Variants in UNC80 observed in about 807,000 individuals in gnomAD.
The protein encoded by UNC80 is protein unc-80 homolog.
In UNC80, 164 loss-of-function variants were observed where a neutral mutation model predicts 384.6. The ratio of observed to expected loss-of-function variants is 0.43; its 90% confidence interval spans 0.38 to 0.49. The LOEUF is 0.49. Among genes scored for constraint, UNC80 ranks in the 20% least tolerant of loss-of-function variants. UNC80 has a pLI of 0.00. For synonymous variants in UNC80, 1,486 were observed against 1,527.8 expected (o/e 0.97, Z 0.64); for missense variants, 3,330 against 4,143.0 (o/e 0.80, Z 5.39).
chr2:209,896,687 G>A (rs2086830063), intron 28 of UNC80, among the ~76,000 whole-genome samples: 1 of 152,142 alleles, frequency 6.6e-6, no homozygotes, highest in Non-Finnish European at 1.5e-5. Flanking sequence ...AGGCCAGGTT[G>A]GTGGTCAAGA....
intron 53 of UNC80, among the ~76,000 whole-genome samples, chr2:209,970,602 T>C (rs755719184): frequency 7.2e-5 from 11 of 152,240 alleles, no homozygotes; most frequent in Non-Finnish European, 1.5e-4. Context: ...ATTATTTACA[T>C]AGTTAACTAT....
chr2:209,974,164 T>C (rs1396712299), intron 56 of UNC80, among the ~76,000 whole-genome samples: 1 of 152,146 alleles, frequency 6.6e-6, no homozygotes, highest in African/African-American at 2.4e-5. Flanking sequence ...AAGTATAAGA[T>C]GAACACAAAC....
In UNC80 at chr2:209,872,885, C is replaced by T. The variant is rs2084421223; in HGVS notation, c.3755C>T (p.Ser1252Phe). ...HHVNITKKGL[S>F]RGRSPIVGNK... is the part of the protein sequence containing the mutation. ...GTGAACATCACCAAGAAAGGACTTT[C>T]CCGGGGACGCTCTCCCATTGTGGGC... The change falls in exon 23 of 65, where the codon TCC (serine) becomes TTC (phenylalanine). Residue 1252 changes from serine to phenylalanine, a missense_variant. Physicochemically the swap from Ser to Phe is radical, Grantham distance 155. Coordinates refer to ENST00000673920, the MANE Select transcript of UNC80 (RefSeq NM_001371986.1). The surrounding 1 kb of genome is among the most constrained non-coding windows in gnomAD (Gnocchi z 4.1). The T allele has an allele frequency of 6.4e-7, 1 of 1,551,396 alleles. No homozygotes were observed. Among genetic ancestry groups the T allele is most frequent in the Non-Finnish European group, 8.7e-7 (1 of 1,146,890 alleles).
chr2:209,993,252 G>T (rs763127227), intron 62 of UNC80, 63 bp from the exon 63 acceptor site: 179 of 1,267,298 alleles, frequency 1.4e-4, no homozygotes, highest in Non-Finnish European at 1.8e-4. Flanking sequence ...TATAAATAAA[G>T]AAACAATTTC....
intron 33 of UNC80, 86 bp from the exon 34 acceptor site, chr2:209,921,414 T>G: frequency 7.7e-7 from 1 of 1,294,448 alleles, no homozygotes; most frequent in Non-Finnish European, 1.0e-6. Context: ...AACTACTACG[T>G]TTGTGTCATT....
intron 16 of UNC80, among the ~76,000 whole-genome samples, chr2:209,832,708 AT>A (rs1387687000): frequency 4.6e-5 from 7 of 152,220 alleles, no homozygotes; most frequent in Admixed American, 4.6e-4. Context: ...AGCAAAAGTA[AT>A]TTAACAGGTT....
intron 61 of UNC80, among the ~76,000 whole-genome samples, chr2:209,989,404 G>A (rs966508765): frequency 2.6e-5 from 4 of 151,742 alleles, no homozygotes; most frequent in Non-Finnish European, 5.9e-5. Flanking sequence ...GACATATCTC[G>A]ACATATAGTC....
intron 33 of UNC80, among the ~76,000 whole-genome samples, chr2:209,919,968 A>G (rs2089903435): frequency 6.6e-6 from 1 of 152,110 alleles, no homozygotes; most frequent in South Asian, 2.1e-4. Context: ...TAATATAATA[A>G]ACCAGCTTAG....
intron 37 of UNC80, among the ~76,000 whole-genome samples, chr2:209,930,378 G>A (rs1454361954): frequency 6.6e-6 from 1 of 152,050 alleles, no homozygotes; most frequent in Non-Finnish European, 1.5e-5. Flanking sequence ...CCAAATAAAA[G>A]TAGTCTTTCA....
At chr2:209,783,802 A>G (rs188636094) in intron 4 of UNC80, among the ~76,000 whole-genome samples, 11 of 152,298 alleles carry the variant, frequency 7.2e-5, no homozygotes, top group African/African-American at 2.2e-4. Flanking sequence ...AACCAGGTCA[A>G]TTGAGGTTTG....
chr2:209,931,416 C>CAG (rs1553604276), intron 38 of UNC80, among the ~76,000 whole-genome samples: 1 of 146,468 alleles, frequency 6.8e-6, no homozygotes, highest in Non-Finnish European at 1.5e-5. Flanking sequence ...CACACACACA[C>CAG]AGATGCAACT....
intron 48 of UNC80, chr2:209,954,549 C>G (rs2092328097): frequency 4.3e-6 from 1 of 230,794 alleles, no homozygotes. Context: ...TGAGCTTCTC[C>G]AGCAGTTATA....
chr2:209,887,221 A>G (rs2085897836), intron 25 of UNC80, among the ~76,000 whole-genome samples: 1 of 151,926 alleles, frequency 6.6e-6, no homozygotes, highest in South Asian at 2.1e-4. Context: ...TTTTTAGTAT[A>G]GACGGGGTTT....
chr2:209,795,218 AT>A, intron 7 of UNC80: 1 of 154,390 alleles, frequency 6.5e-6, no homozygotes, highest in Non-Finnish European at 1.4e-5. Context: ...GACTGGTGGC[AT>A]TTTGCCCCTG....
At chr2:209,918,709 G>A (rs774033850) in intron 33 of UNC80, 46 bp downstream of exon 33, 2 of 1,466,414 alleles carry the variant, frequency 1.4e-6, no homozygotes, top group South Asian at 2.8e-5. Flanking sequence ...GTGTAAAAGA[G>A]AACAATTAAT....
rs148569955 is a variant in UNC80, at chr2:209,783,349, A to G, written c.601-2717A>G. ...GTTCCATTAAAAGAAACTCTGGAAG[A>G]GACATTAGAGGCCCAGAGTTTATAC... On this transcript the variant is annotated intron_variant, in intron 4 of 64. Coordinates refer to ENST00000673920, the MANE Select transcript of UNC80 (RefSeq NM_001371986.1). Among the ~76,000 whole-genome samples the G allele has an allele frequency of 2.6e-3, 392 of 152,254 alleles. 2 individuals carry two copies. Among genetic ancestry groups the G allele is most frequent in the African/African-American group, 8.9e-3 (371 of 41,562 alleles).
chr2:209,993,199 C>A, intron 62 of UNC80, 116 bp from the exon 63 acceptor site: 1 of 706,454 alleles, frequency 1.4e-6, no homozygotes, highest in Non-Finnish European at 2.2e-6. Context: ...ATAAATTTAT[C>A]AGCTATAAAT....
chr2:209,858,811 A>G (rs975449142), intron 22 of UNC80, among the ~76,000 whole-genome samples: 5 of 151,800 alleles, frequency 3.3e-5, no homozygotes, highest in Non-Finnish European at 1.5e-5. Context: ...TTACTGACAT[A>G]TTTAGATTCA....
chr2:209,948,328 C>A (rs563643119), intron 47 of UNC80, among the ~76,000 whole-genome samples: 1 of 152,248 alleles, frequency 6.6e-6, no homozygotes, highest in Admixed American at 6.5e-5. Flanking sequence ...ATGGCCTCAT[C>A]AACACTTGTT....
Sources: gnomAD v4.1 joint callset for allele counts (sites outside exome capture counted in the v4.1 genomes callset) on GRCh38, gnomAD v4.1.1 for gene constraint, Gnocchi (gnomAD v3.1) non-coding constraint, MANE v1.5 for transcripts, NCBI Gene and HGNC (gene_info 2026-07-23, HGNC 2026-07-21) for gene names.